Variants in ZFAT observed in about 807,000 individuals in gnomAD.
ZFAT encodes the protein zinc finger and AT-hook domain containing, also known as zinc finger protein ZFAT.
In ZFAT, 64 loss-of-function variants were observed where a neutral mutation model predicts 117.7. The ratio of observed to expected loss-of-function variants is 0.54; its 90% CI spans 0.44 to 0.67. The LOEUF (loss-of-function observed/expected upper bound fraction) is 0.67. Among genes scored for constraint, ZFAT ranks in the 30% least tolerant of loss-of-function variants. The pLI, the probability that ZFAT is intolerant of heterozygous loss-of-function variation, is 0.00. For synonymous variants in ZFAT, 679 were observed against 615.0 expected, an observed-to-expected ratio of 1.10 and a Z score of -1.54; for missense variants, 1,433 against 1,584.5, an observed-to-expected ratio of 0.90 and a Z score of 1.62.
chr8:134,589,152 A>G (rs1826269582), intron 8 of ZFAT, among the ~76,000 whole-genome samples: 1 of 152,248 alleles, frequency 6.6e-6, no homozygotes. Flanking sequence ...GCTTAAAATA[A>G]TAACAAAATA....
intron 2 of ZFAT, chr8:134,639,848 C>A (rs1830484937): frequency 4.4e-6 from 2 of 450,794 alleles, no homozygotes; most frequent in Non-Finnish European, 8.9e-6. Flanking sequence ...CAGGTCTAAA[C>A]CCAGTGACAG....
the ZFAT span, among the ~76,000 whole-genome samples, chr8:134,815,926 T>G: frequency 6.6e-6 from 1 of 152,254 alleles, no homozygotes; most frequent in Non-Finnish European, 1.5e-5. Context: ...TTCCTTTCCT[T>G]GTTTATCTTC....
intron 10 of ZFAT, among the ~76,000 whole-genome samples, chr8:134,567,294 A>AT (rs138772030): frequency 0.023 from 3,466 of 151,502 alleles, 153 homozygotes; most frequent in African/African-American, 0.079. Flanking sequence ...CACTCACCTC[A>AT]TTTTTTCAGC....
intron 12 of ZFAT, among the ~76,000 whole-genome samples, chr8:134,531,037 T>C (rs1821369168): frequency 6.6e-6 from 1 of 152,184 alleles, no homozygotes; most frequent in African/African-American, 2.4e-5. Context: ...TCTGTGTGTG[T>C]ATCTCTGAAA....
intron 10 of ZFAT, among the ~76,000 whole-genome samples, chr8:134,579,981 G>A (rs74648705): frequency 0.16 from 23,614 of 147,428 alleles, 2,153 homozygotes; most frequent in Non-Finnish European, 0.21. Flanking sequence ...AAAGAACAAT[G>A]CCCACAGGCT....
chr8:134,714,632 A>G (rs1814178043), upstream of ZFAT, among the ~76,000 whole-genome samples: 1 of 152,214 alleles, frequency 6.6e-6, no homozygotes, highest in Admixed American at 6.5e-5. Context: ...TCACAGATAT[A>G]GCCTCCCCCT....
the ZFAT span, chr8:134,792,993 G>T: frequency 6.6e-6 from 1 of 152,110 alleles, no homozygotes; most frequent in African/African-American, 2.4e-5. Flanking sequence ...GGATTACAAT[G>T]GCAATTAAAT....
At chr8:134,536,508 T>C (rs1211320077) in intron 11 of ZFAT, among the ~76,000 whole-genome samples, 1 of 152,266 alleles carries the variant, frequency 6.6e-6, no homozygotes, top group African/African-American at 2.4e-5. Context: ...TCTCCCAAAG[T>C]GTGGGAACTG....
At chr8:134,683,734 A>G (rs1833180796) in intron 1 of ZFAT, among the ~76,000 whole-genome samples, 1 of 151,888 alleles carries the variant, frequency 6.6e-6, no homozygotes, top group Non-Finnish European at 1.5e-5. Flanking sequence ...TGGATGCAAG[A>G]AGCTCCTGCC....
rs745320082 is a variant in ZFAT at position 134,602,374 on chromosome 8, G to T, written c.1345C>A (p.Leu449Met). The T allele has an allele frequency of 4.3e-6, 7 of 1,613,860 alleles. No homozygotes were observed. The South Asian group carries it at 7.7e-5, about 18-fold the overall frequency. ...HGATKYQALE[L>M]HVRKHPFVYV... ...ACGAAGGGGTGCTTCCTGACATGCA[G>T]TTCCAGCGCCTGGTACTTGGTGGCC... is the stretch of plus-strand genomic sequence containing the variant. The change falls in exon 6 of 16, where the codon CTG becomes ATG. Residue 449 changes from leucine (L) to methionine (M), a missense_variant. This residue lies in a region of ZFAT where 73 missense variants were observed against 122.0 expected (regional missense o/e 0.60). Transcript: ENST00000377838.
chr8:134,678,442 A>C (rs1411895164), intron 1 of ZFAT, among the ~76,000 whole-genome samples: 1 of 152,238 alleles, frequency 6.6e-6, no homozygotes, highest in Non-Finnish European at 1.5e-5. Context: ...GAAATAAGAG[A>C]GGACACAAAC....
chr8:134,575,086 A>G (rs1407172859), intron 10 of ZFAT, among the ~76,000 whole-genome samples: 2 of 152,224 alleles, frequency 1.3e-5, no homozygotes, highest in South Asian at 4.1e-4. Context: ...TTCATGCACC[A>G]GAGGAATGGG....
intron 3 of ZFAT, among the ~76,000 whole-genome samples, chr8:134,615,570 G>A (rs1019928326): frequency 9.2e-5 from 14 of 152,098 alleles, no homozygotes; most frequent in African/African-American, 3.1e-4. Flanking sequence ...CTCCTTCCCT[G>A]TCTCACTCTT....
the ZFAT span, chr8:134,766,354 A>T: frequency 1.3e-5 from 2 of 152,206 alleles, no homozygotes; most frequent in Admixed American, 6.5e-5. Context: ...ACATTTTTTT[A>T]AAAAGTATTT....
At position 134,600,428 on chromosome 8, in the gene ZFAT, C is replaced by G; in HGVS notation, c.2475+8G>C. ...GAGACGGGGCTGCCGCTTGGGCTTG[C>G]TACTTACCAGTGCTGTGTGAACTTT... On this transcript the variant is annotated splice_region_variant and intron_variant, in intron 7 of 15. Transcript: ENST00000377838. The G allele has an allele frequency of 6.2e-7, 1 of 1,613,486 alleles. No homozygotes were observed. The highest frequency in any genetic ancestry group is 8.5e-7 in the Non-Finnish European group (1 of 1,179,368).
intron 12 of ZFAT, among the ~76,000 whole-genome samples, chr8:134,529,368 A>AAT (rs1821245308): frequency 6.6e-6 from 1 of 152,158 alleles, no homozygotes; most frequent in South Asian, 2.1e-4. Context: ...GGTGTATTTT[A>AAT]AGGGGAGGAA....
chr8:134,830,268 C>A, the ZFAT span, among the ~76,000 whole-genome samples: 11 of 152,300 alleles, frequency 7.2e-5, no homozygotes, highest in African/African-American at 2.4e-4. Context: ...CACTACAGGA[C>A]TGTATACAGA....
At chr8:134,512,349 C>G in intron 14 of ZFAT, 126 bp downstream of exon 14, 1 of 1,419,748 alleles carries the variant, frequency 7.0e-7, no homozygotes, top group South Asian at 1.3e-5. Context: ...CTTCTGCAGT[C>G]TGAACGCTGG....
At chr8:134,624,180 G>GCGCACACACA (rs1357559072) in intron 3 of ZFAT, among the ~76,000 whole-genome samples, 15 of 146,192 alleles carry the variant, frequency 1.0e-4, no homozygotes, top group African/African-American at 3.9e-4. Context: ...ATGTGCACAT[G>GCGCACACACA]CACACACACA....
Sources: allele counts gnomAD v4.1 joint callset (sites outside exome capture counted in the v4.1 genomes callset), GRCh38; gene constraint gnomAD v4.1.1; regional missense constraint gnomAD v4.1.1; transcripts MANE v1.5; gene names NCBI Gene and HGNC (gene_info 2026-07-23, HGNC 2026-07-21).